KCNJ3: variants seen among roughly 807,000 people sequenced by gnomAD.
KCNJ3 encodes potassium inwardly rectifying channel subfamily J member 3.
Under a neutral mutation model 39.2 loss-of-function variants are expected in KCNJ3, and 4 were observed. That is an observed-to-expected ratio of 0.10 (90% CI 0.05 to 0.23). The LOEUF (loss-of-function observed/expected upper bound fraction) is 0.23. Ranked by LOEUF, KCNJ3 falls within the 10% of genes least tolerant of loss-of-function variation. The pLI, the probability that KCNJ3 is intolerant of heterozygous loss-of-function variation, is 1.00. For missense variants in KCNJ3, 276 were observed against 634.9 expected (o/e 0.43, Z 6.08); for synonymous variants, 230 against 237.4 (o/e 0.97, Z 0.29).
intron 2 of KCNJ3, among the ~76,000 whole-genome samples, chr2:154,826,842 C>T (rs1032475981): frequency 6.6e-6 from 1 of 151,772 alleles, no homozygotes; most frequent in Non-Finnish European, 1.5e-5. Context: ...ATGTCAGGGG[C>T]GGGGTGATAT....
chr2:154,712,198 C>G (rs1347005515), intron 2 of KCNJ3, among the ~76,000 whole-genome samples: 1 of 152,160 alleles, frequency 6.6e-6, no homozygotes, highest in Non-Finnish European at 1.5e-5. Context: ...CCAGACCTCC[C>G]TGAGCCTGGT....
chr2:154,766,451 C>T (rs149451341), intron 2 of KCNJ3, among the ~76,000 whole-genome samples: 2,951 of 151,642 alleles, frequency 0.019, 46 homozygotes, highest in Non-Finnish European at 0.032. Context: ...TCAAAGAAAC[C>T]GGTATTGATT....
At chr2:154,838,098 TTGTG>T (rs1004429296) in intron 2 of KCNJ3, among the ~76,000 whole-genome samples, 2 of 152,062 alleles carry the variant, frequency 1.3e-5, no homozygotes, top group East Asian at 1.9e-4. Flanking sequence ...GAATGCATGT[TTGTG>T]TGTGTGACAA....
chr2:154,788,484 A>G (rs1014045544), intron 2 of KCNJ3, among the ~76,000 whole-genome samples: 3 of 152,090 alleles, frequency 2.0e-5, no homozygotes, highest in Admixed American at 6.6e-5. Context: ...AGAAAAAGCA[A>G]TTTACTGGTT....
intron 2 of KCNJ3, among the ~76,000 whole-genome samples, chr2:154,722,649 C>T (rs1205065831): frequency 6.6e-6 from 1 of 151,768 alleles, no homozygotes; most frequent in African/African-American, 2.4e-5. Flanking sequence ...AATGGGGGAG[C>T]CATAGATGGT....
At chr2:154,848,321 T>C (rs1002995755) in intron 2 of KCNJ3, among the ~76,000 whole-genome samples, 34 of 152,220 alleles carry the variant, frequency 2.2e-4, no homozygotes, top group African/African-American at 7.5e-4. Flanking sequence ...ATGAAAATAA[T>C]AAAATCTTAT....
Position 154,856,808 on chromosome 2 carries a change from A to G in KCNJ3, c.*1495A>G, listed in dbSNP as rs1687847213. The G allele has an allele frequency of 6.6e-6, 1 of 152,186 alleles. No individual in the cohort carries two copies. The highest frequency in any genetic ancestry group is 2.4e-5 in the African/African-American group (1 of 41,440). 9.4% of individuals were successfully genotyped at this position (152,186 alleles called of 1,614,324 possible). ...AACACTTTCAAAATAAAAATTTGGA[A>G]TGCAGACTTTTATGAAAATTTAAAA... On this transcript the variant is annotated 3_prime_UTR_variant, in exon 3 of 3. Coordinates refer to ENST00000295101, the MANE Select transcript of KCNJ3 (RefSeq NM_002239.4).
chr2:154,720,483 A>G lies in KCNJ3; in HGVS notation c.919+10664A>G, dbSNP rs1019304323. On this transcript the variant is annotated intron_variant, in intron 2 of 2. Transcript: ENST00000295101. ...CAAGCGATTTTTCCATATGACTCTA[A>G]ATTAATTTTTAATATAATTTAAGCC... 1.3e-5 allele frequency among the ~76,000 whole-genome samples: 2 copies of G among 152,010 alleles called. 1 individual carries two copies. Among genetic ancestry groups the G allele is most frequent in the South Asian group, 4.2e-4 (2 of 4,816 alleles).
At chr2:154,823,634 A>G (rs1018030158) in intron 2 of KCNJ3, among the ~76,000 whole-genome samples, 4 of 152,076 alleles carry the variant, frequency 2.6e-5, no homozygotes, top group South Asian at 2.1e-4. Flanking sequence ...CCCCTTTTCA[A>G]TATAATGTAT....
intron 2 of KCNJ3, among the ~76,000 whole-genome samples, chr2:154,723,387 A>G (rs1400010656): frequency 6.6e-6 from 1 of 152,172 alleles, no homozygotes; most frequent in African/African-American, 2.4e-5. Context: ...ATAAGATTAA[A>G]CAGTAAGGTG....
At chr2:154,834,525 C>T (rs911624080) in intron 2 of KCNJ3, among the ~76,000 whole-genome samples, 1 of 151,914 alleles carries the variant, frequency 6.6e-6, no homozygotes, top group African/African-American at 2.4e-5. Flanking sequence ...CGGTAAGGAT[C>T]GAGACCATCC....
At chr2:154,741,074 C>T (rs1253431702) in intron 2 of KCNJ3, among the ~76,000 whole-genome samples, 1 of 151,914 alleles carries the variant, frequency 6.6e-6, no homozygotes, top group Non-Finnish European at 1.5e-5. Context: ...TTTTAATAAT[C>T]TTAGGAAATA....
chr2:154,755,389 A>G (rs1685920131), intron 2 of KCNJ3, among the ~76,000 whole-genome samples: 1 of 151,790 alleles, frequency 6.6e-6, no homozygotes, highest in African/African-American at 2.4e-5. Context: ...AAGTTTTGTC[A>G]TGTGTATTTA....
intron 2 of KCNJ3, among the ~76,000 whole-genome samples, chr2:154,836,207 C>CA (rs371432293): frequency 1.5e-3 from 114 of 74,912 alleles, no homozygotes; most frequent in African/African-American, 5.9e-3. Context: ...AAGACTGTCT[C>CA]AAAAAAAAAA....
In KCNJ3 at chr2:154,734,073, C is replaced by T. The variant is rs568542977; in HGVS notation, c.919+24254C>T. 1.8e-4 allele frequency among the ~76,000 whole-genome samples: 28 copies of T among 152,192 alleles called. No homozygotes were observed. In the South Asian group the frequency reaches 1.9e-3, roughly 10 times the overall value. ...GGCCTTTTTCAGGGATTTGGAAGAG[C>T]CTTATGCAAGGGACCCTGAAGTTTA... On this transcript the variant is annotated intron_variant, in intron 2 of 2. Transcript: ENST00000295101.
chr2:154,791,786 T>C (rs2105210775), intron 2 of KCNJ3, among the ~76,000 whole-genome samples: 1 of 152,094 alleles, frequency 6.6e-6, no homozygotes, highest in Middle Eastern at 3.4e-3. Flanking sequence ...ACAAGATCTA[T>C]GTGGCTAATC....
chr2:154,800,863 A>C (rs1204395184), intron 2 of KCNJ3, among the ~76,000 whole-genome samples: 2 of 152,226 alleles, frequency 1.3e-5, no homozygotes, highest in Non-Finnish European at 2.9e-5. Context: ...AGTATATAAA[A>C]GTATAACTGG....
chr2:154,801,262 C>G (rs904737532), intron 2 of KCNJ3, among the ~76,000 whole-genome samples: 41 of 152,272 alleles, frequency 2.7e-4, no homozygotes, highest in African/African-American at 9.6e-4. Flanking sequence ...AGGTTAATAT[C>G]TAAAAACATG....
At chr2:154,791,069 A>G (rs1003828351) in intron 2 of KCNJ3, among the ~76,000 whole-genome samples, 1 of 152,082 alleles carries the variant, frequency 6.6e-6, no homozygotes, top group African/African-American at 2.4e-5. Context: ...GGAAGAACAC[A>G]GGGAAGAGTA....
Sources: gnomAD v4.1 joint callset for allele counts (sites outside exome capture counted in the v4.1 genomes callset) on GRCh38, gnomAD v4.1.1 for gene constraint, MANE v1.5 for transcripts, NCBI Gene and HGNC (gene_info 2026-07-23, HGNC 2026-07-21) for gene names.